USP34: variants seen among roughly 807,000 people sequenced by gnomAD.
USP34 encodes the protein ubiquitin carboxyl-terminal hydrolase 34.
In USP34, 70 loss-of-function variants were observed where a neutral mutation model predicts 460.3. The ratio of observed to expected loss-of-function variants is 0.15; its 90% confidence interval spans 0.13 to 0.19. The LOEUF (loss-of-function observed/expected upper bound fraction) is 0.19. USP34 is among the 10% of genes least tolerant of loss of function. USP34 has a pLI of 1.00. For missense variants in USP34, 3,985 were observed against 4,236.2 expected (o/e 0.94, Z 1.65); for synonymous variants, 1,647 against 1,405.3 (o/e 1.17, Z -3.85).
chr2:61,412,423 A>G (rs914733449), intron 2 of USP34, among the ~76,000 whole-genome samples: 2 of 152,140 alleles, frequency 1.3e-5, no homozygotes, highest in East Asian at 1.9e-4. Context: ...CAAAATAACA[A>G]TAACAAAATT....
rs754512972 is a variant in USP34, at chr2:61,470,678, G to A, written c.15C>T (p.Cys5=). ...CATTTAACACCTCCACCAGGTCTGC[G>A]CAGTTCTCGCACATCGTTCGGCCGC... MCEN[C]ADLVEVLNEI... is the part of the protein sequence containing the mutation. The change falls in exon 1 of 80, where the codon TGC becomes TGT. Residue 5 remains cysteine (C), a synonymous_variant. Coordinates refer to ENST00000398571, the MANE Select transcript of USP34 (RefSeq NM_014709.4). 16 of 1,594,498 alleles carry A rather than the reference G, an allele frequency of 1.0e-5. No homozygotes were observed. Among genetic ancestry groups the A allele is most frequent in the Middle Eastern group, 1.7e-4 (1 of 6,002 alleles).
chr2:61,374,950 T>G (rs951630916), intron 8 of USP34, among the ~76,000 whole-genome samples: 3 of 152,000 alleles, frequency 2.0e-5, no homozygotes, highest in Non-Finnish European at 4.4e-5. Context: ...ACAAACCAAT[T>G]TGACCTAATA....
intron 75 of USP34, among the ~76,000 whole-genome samples, chr2:61,193,648 C>G (rs2103741133): frequency 6.6e-6 from 1 of 152,316 alleles, no homozygotes; most frequent in Middle Eastern, 3.4e-3. Context: ...CATCCTATCT[C>G]TGAAAGTACA....
At chr2:61,220,522 T>G in intron 66 of USP34, 65 bp from the exon 67 acceptor site, 1 of 1,441,662 alleles carries the variant, frequency 6.9e-7, no homozygotes, top group East Asian at 2.5e-5. Flanking sequence ...TTTACTTACT[T>G]TTTGTATATG....
intron 10 of USP34, among the ~76,000 whole-genome samples, chr2:61,354,098 A>AT (rs1354358207): frequency 6.6e-6 from 1 of 152,206 alleles, no homozygotes; most frequent in Non-Finnish European, 1.5e-5. Context: ...GAATACTTAA[A>AT]TAACTAACTA....
intron 3 of USP34, among the ~76,000 whole-genome samples, chr2:61,402,335 C>T (rs564502469): frequency 2.6e-5 from 4 of 152,178 alleles, no homozygotes; most frequent in Non-Finnish European, 5.9e-5. Flanking sequence ...TGAATTAGTA[C>T]TACTTATGTC....
chr2:61,228,215 A>G (rs1428489783), intron 61 of USP34, among the ~76,000 whole-genome samples: 2 of 152,254 alleles, frequency 1.3e-5, no homozygotes, highest in African/African-American at 2.4e-5. Flanking sequence ...TAGATCATAC[A>G]ACCTAATGCA....
Position 61,187,594 on chromosome 2 carries a change from A to G in USP34, c.*508T>C, listed in dbSNP as rs1686468623. 1.1e-6 allele frequency: 1 copy of G among 903,140 alleles called. No individual in the cohort carries two copies. The highest frequency in any genetic ancestry group is 1.8e-5 in the African/African-American group (1 of 55,306). The allele number at this position is 903,140 out of a possible 1,614,324, so 55.9% of individuals were successfully genotyped here. On this transcript the variant is annotated 3_prime_UTR_variant, in exon 80 of 80. Coordinates refer to ENST00000398571, the MANE Select transcript of USP34 (RefSeq NM_014709.4). ...TTCCTCCACAGGTATTCTGTTAAAT[A>G]AAGCACCATTTATATACTGCCAGGC...
intron 48 of USP34, among the ~76,000 whole-genome samples, chr2:61,255,839 G>C (rs1204290707): frequency 6.6e-6 from 1 of 152,194 alleles, no homozygotes; most frequent in Non-Finnish European, 1.5e-5. Context: ...GGCTGTCATA[G>C]TATTGCAATG....
intron 75 of USP34, among the ~76,000 whole-genome samples, chr2:61,196,020 GCT>G (rs1686793509): frequency 7.0e-6 from 1 of 143,764 alleles, no homozygotes; most frequent in Non-Finnish European, 1.5e-5. Context: ...CGTTCTCCCA[GCT>G]CAGTCTCCTG....
In USP34 at chr2:61,455,510, G is replaced by A. The variant is rs79613568; in HGVS notation, c.43+15140C>T. On this transcript the variant is annotated intron_variant, in intron 1 of 79. Transcript: ENST00000398571. ...CAAAGATAGCCAGGTGCAGTGGTGTGTGCCTGTAATCCCAGGTAACATGAA... is the reference window on the plus strand; with the variant it reads ...CAAAGATAGCCAGGTGCAGTGGTGTATGCCTGTAATCCCAGGTAACATGAA... 1.8e-3 allele frequency among the ~76,000 whole-genome samples: 270 copies of A among 152,170 alleles called. 5 individuals carry two copies. In the East Asian group the frequency reaches 0.045, roughly 26 times the overall value.
intron 1 of USP34, among the ~76,000 whole-genome samples, chr2:61,449,638 A>G (rs1695213271): frequency 6.6e-6 from 1 of 152,346 alleles, no homozygotes; most frequent in Admixed American, 6.5e-5. Flanking sequence ...AATGAAACAG[A>G]ATACAGAGTA....
chr2:61,321,749 G>A (rs974751372), intron 21 of USP34, among the ~76,000 whole-genome samples: 2 of 152,074 alleles, frequency 1.3e-5, no homozygotes, highest in Non-Finnish European at 2.9e-5. Flanking sequence ...ACCCATTTAG[G>A]AAGAAAATTC....
intron 1 of USP34, among the ~76,000 whole-genome samples, chr2:61,426,318 A>G (rs911840872): frequency 1.9e-4 from 29 of 151,854 alleles, no homozygotes; most frequent in Non-Finnish European, 3.2e-4. Flanking sequence ...CTAAGACCTG[A>G]CTCTTAAATG....
intron 10 of USP34, among the ~76,000 whole-genome samples, chr2:61,363,479 A>G (rs1320380363): frequency 6.6e-6 from 1 of 152,246 alleles, no homozygotes; most frequent in East Asian, 1.9e-4. Flanking sequence ...TATATGCTAT[A>G]GTTTACTGCT....
chr2:61,266,188 T>C (rs1304608325), intron 41 of USP34, 21 bp from the exon 42 acceptor site: 1 of 1,595,320 alleles, frequency 6.3e-7, no homozygotes, highest in South Asian at 1.1e-5. Flanking sequence ...AAAGGAAACA[T>C]GTTATCTAAA....
intron 67 of USP34, among the ~76,000 whole-genome samples, chr2:61,216,185 A>G (rs1687391792): frequency 6.6e-6 from 1 of 152,248 alleles, no homozygotes; most frequent in South Asian, 2.1e-4. Context: ...TAGTCTGCTT[A>G]GTCAGAATTT....
chr2:61,321,876 G>T (rs1690934321), intron 21 of USP34, among the ~76,000 whole-genome samples: 1 of 152,132 alleles, frequency 6.6e-6, no homozygotes, highest in Non-Finnish European at 1.5e-5. Flanking sequence ...TGTATACCAT[G>T]TTCAAAGGTC....
chr2:61,326,549 T>C (rs1442128732), intron 20 of USP34, among the ~76,000 whole-genome samples: 1 of 151,898 alleles, frequency 6.6e-6, no homozygotes, highest in Admixed American at 6.6e-5. Context: ...AAAGGATTCC[T>C]TTCCTTTGGC....
Sources: gnomAD v4.1 joint callset for allele counts (sites outside exome capture counted in the v4.1 genomes callset) on GRCh38, gnomAD v4.1.1 for gene constraint, MANE v1.5 for transcripts, NCBI Gene and HGNC (gene_info 2026-07-23, HGNC 2026-07-21) for gene names.